The following RIF1 variants were observed in gnomAD, a reference collection of about 807,000 sequenced individuals.
RIF1 encodes replication timing regulatory factor 1, also known as telomere-associated protein RIF1.
Under a neutral mutation model 247.1 loss-of-function variants are expected in RIF1, and 45 were observed. The ratio of observed to expected loss-of-function variants is 0.18; its 90% CI spans 0.14 to 0.23. The LOEUF is 0.23. Among genes scored for constraint, RIF1 ranks in the 10% least tolerant of loss-of-function variants. The probability of loss-of-function intolerance (pLI) is 1.00; values close to 1 mark genes in which losing one functional copy is unlikely to be tolerated. For synonymous variants in RIF1, 1,087 were observed against 978.8 expected (o/e 1.11, Z -2.06); for missense variants, 2,967 against 2,862.5 (o/e 1.04, Z -0.83).
chr2:151,462,968 C>G lies in RIF1; in HGVS notation c.3448C>G (p.Leu1150Val). The change falls in exon 30 of 36, where the codon CTT becomes GTT. Residue 1150 changes from leucine to valine, a missense_variant. Around this residue, in one of 7 missense-constraint regions of RIF1, gnomAD observed 2,028 missense variants for 1,825.6 expected, o/e 1.11. Transcript: ENST00000444746. ...GGCTGAACATCTTGAAAAGTCCTCC[C>G]TTTCGAATAATGAGTGTGGTTCTCT... ...GMAEHLEKSS[L>V]SNNECGSLDK... The G allele has an allele frequency of 1.2e-6, 2 of 1,614,022 alleles. No individual in the cohort carries two copies. Among genetic ancestry groups the G allele is most frequent in the Non-Finnish European group, 1.7e-6 (2 of 1,179,932 alleles).
intron 15 of RIF1, among the ~76,000 whole-genome samples, chr2:151,441,646 G>A (rs189891664): frequency 6.6e-6 from 1 of 152,282 alleles, no homozygotes; most frequent in African/African-American, 2.4e-5. Context: ...TAGGAAAATA[G>A]ACTCTGAACT....
intron 25 of RIF1, among the ~76,000 whole-genome samples, chr2:151,459,207 C>T (rs1398660017): frequency 6.6e-6 from 1 of 151,786 alleles, no homozygotes; most frequent in African/African-American, 2.4e-5. Context: ...GGTTACTAAG[C>T]CATATCTAAG....
the RIF1 span, chr2:151,519,552 T>G: frequency 1.2e-6 from 1 of 819,882 alleles, no homozygotes; most frequent in African/African-American, 1.7e-5. Flanking sequence ...GTGACAGTAG[T>G]TGGATAATAT....
chr2:151,501,909 A>AATG (rs1357560905), intron 11 of RIF1, among the ~76,000 whole-genome samples: 5 of 152,364 alleles, frequency 3.3e-5, no homozygotes, highest in African/African-American at 1.2e-4. Context: ...ACTAGCTTTC[A>AATG]ATGATACTGA....
Position 151,438,680 on chromosome 2 carries a change from A to C in RIF1, c.1484-4A>C. The C allele has an allele frequency of 6.2e-7, 1 of 1,607,400 alleles. No homozygotes were observed. The highest frequency in any genetic ancestry group is 2.2e-5 in the East Asian group (1 of 44,814). On this transcript the variant is annotated splice_region_variant and splice_polypyrimidine_tract_variant and intron_variant, in intron 13 of 35. Transcript: ENST00000444746. The stretch of plus-strand genomic sequence containing the variant: ...AAAATACTCAAGTTTATTTTGTTTG[A>C]CAGATGTGGTTGTCAGTGCTATCTG...
downstream of RIF1, among the ~76,000 whole-genome samples, chr2:151,510,015 C>T (rs116352209): frequency 0.025 from 3,737 of 152,276 alleles, 57 homozygotes; most frequent in African/African-American, 0.039. Flanking sequence ...AGCTATATGT[C>T]TTTGTGTAAG....
At chr2:151,461,477 C>T (rs1413266168) in intron 27 of RIF1, among the ~76,000 whole-genome samples, 188 bp downstream of exon 27, 1 of 151,014 alleles carries the variant, frequency 6.6e-6, no homozygotes, top group African/African-American at 2.4e-5. Flanking sequence ...CTGCAAGCTC[C>T]GCCTCCCAGG....
chr2:151,416,998 A>T, intron 6 of RIF1, 97 bp downstream of exon 6: 880 of 793,940 alleles, frequency 1.1e-3, no homozygotes, highest in Middle Eastern at 2.0e-3. Context: ...AGACATTAAA[A>T]GGGGGGAATG....
chr2:151,525,946 T>C, the RIF1 span: 1 of 1,604,706 alleles, frequency 6.2e-7, no homozygotes. Flanking sequence ...AGACCGGTGG[T>C]TGATCACTTA....
intron 14 of RIF1, 83 bp from the exon 15 acceptor site, chr2:151,439,944 G>C (rs1219653196): frequency 1.2e-5 from 8 of 646,780 alleles, no homozygotes; most frequent in Non-Finnish European, 2.0e-5. Flanking sequence ...CTGTACCCCA[G>C]CTTGGGTGAC....
chr2:151,471,917 G>A (rs1211145585), intron 34 of RIF1, among the ~76,000 whole-genome samples: 1 of 152,154 alleles, frequency 6.6e-6, no homozygotes, highest in Non-Finnish European at 1.5e-5. Context: ...AAAGTCCTTG[G>A]TAGCTTGATG....
intron 22 of RIF1, among the ~76,000 whole-genome samples, chr2:151,456,341 A>T (rs998027755): frequency 1.3e-5 from 2 of 152,186 alleles, no homozygotes; most frequent in African/African-American, 2.4e-5. Context: ...AGTTAATATG[A>T]TTATTACTTT....
At chr2:151,501,426 C>G in intron 11 of RIF1, 6 of 1,549,144 alleles carry the variant, frequency 3.9e-6, no homozygotes, top group Non-Finnish European at 5.2e-6. Flanking sequence ...TTGACTCGCT[C>G]CATCTCAGGA....
intron 9 of RIF1, chr2:151,495,191 C>A (rs949986898): frequency 4.6e-5 from 7 of 152,152 alleles, no homozygotes; most frequent in African/African-American, 1.7e-4. Flanking sequence ...CATAGTAACA[C>A]ATCATGATAA....
At chr2:151,496,703 G>T (rs554040025) in intron 10 of RIF1, among the ~76,000 whole-genome samples, 12 of 151,566 alleles carry the variant, frequency 7.9e-5, no homozygotes, top group Admixed American at 7.9e-4. Context: ...CCACACAAAC[G>T]GAAAAACTCA....
At chr2:151,411,160 A>G in intron 2 of RIF1, 100 bp from the exon 3 acceptor site, 1 of 734,974 alleles carries the variant, frequency 1.4e-6, no homozygotes, top group Non-Finnish European at 2.3e-6. Flanking sequence ...CATTTGCAGG[A>G]GTTAGAAAGT....
Position 151,494,511 on chromosome 2 carries a change from C to CCAT in RIF1, c.*416-714_*416-712dup, listed in dbSNP as rs200384957. Among the ~76,000 whole-genome samples, 612 of 152,282 alleles carry CCAT rather than the reference C, an allele frequency of 4.0e-3. 5 individuals carry two copies. The highest frequency in any genetic ancestry group is 0.014 in the African/African-American group (577 of 41,546). ...TGTTCCTCAAAAGGATGAGAAACCA[C>CCAT]CATCATTTTACCGCTAGTCTCTCAA... On this transcript the variant is annotated intron_variant and NMD_transcript_variant, in intron 9 of 13. Coordinates refer to the RIF1 transcript ENST00000454583.
At chr2:151,424,636 T>C (rs948180176) in intron 8 of RIF1, among the ~76,000 whole-genome samples, 1 of 152,040 alleles carries the variant, frequency 6.6e-6, no homozygotes, top group Non-Finnish European at 1.5e-5. Flanking sequence ...CTGGGTTATG[T>C]AGTAGTTCTA....
intron 2 of RIF1, among the ~76,000 whole-genome samples, chr2:151,411,039 G>C (rs533617486): frequency 3.2e-4 from 48 of 152,120 alleles, no homozygotes; most frequent in Non-Finnish European, 6.0e-4. Context: ...GTCACAACTT[G>C]CATGTACTCG....
Sources: allele counts gnomAD v4.1 joint callset (sites outside exome capture counted in the v4.1 genomes callset), GRCh38; gene constraint gnomAD v4.1.1; regional missense constraint gnomAD v4.1.1; transcripts MANE v1.5; gene names NCBI Gene and HGNC (gene_info 2026-07-23, HGNC 2026-07-21).